The following CSMD2 variants were observed in gnomAD, a reference collection of about 807,000 sequenced individuals.
CSMD2 encodes CUB and sushi domain-containing protein 2.
A neutral mutation model predicts 398.5 loss-of-function variants in CSMD2; 130 were observed. The observed-to-expected ratio is 0.33, with a 90% confidence interval of 0.28 to 0.38. The LOEUF (loss-of-function observed/expected upper bound fraction) is 0.38. Ranked by LOEUF, CSMD2 falls within the 10% of genes least tolerant of loss-of-function variation. CSMD2 has a pLI of 1.00. For synonymous variants in CSMD2, 1,828 were observed against 1,908.5 expected, an observed-to-expected ratio of 0.96 and a Z score of 1.10; for missense variants, 3,829 against 4,764.9, an observed-to-expected ratio of 0.80 and a Z score of 5.78.
chr1:34,026,094 T>G (rs916228249), intron 3 of CSMD2, among the ~76,000 whole-genome samples: 10 of 152,254 alleles, frequency 6.6e-5, no homozygotes, highest in African/African-American at 2.4e-4. Flanking sequence ...GCACATCTTG[T>G]GACTTGTGCA....
At chr1:33,948,850 G>A (rs1025608442) in intron 3 of CSMD2, among the ~76,000 whole-genome samples, 7 of 152,294 alleles carry the variant, frequency 4.6e-5, no homozygotes, top group African/African-American at 1.7e-4. Flanking sequence ...TCAAGCATCT[G>A]CTGGCTCAGT....
At chr1:33,688,142 G>T (rs1486623385) in intron 25 of CSMD2, among the ~76,000 whole-genome samples, 2 of 152,128 alleles carry the variant, frequency 1.3e-5, no homozygotes, top group Non-Finnish European at 2.9e-5. Flanking sequence ...TAAGAATGTT[G>T]GAGTGAAAAG....
At chr1:33,560,241 C>T (rs1333625030) in intron 53 of CSMD2, among the ~76,000 whole-genome samples, 1 of 152,206 alleles carries the variant, frequency 6.6e-6, no homozygotes, top group African/African-American at 2.4e-5. Flanking sequence ...GTTCATGTAG[C>T]AGCCTCCATC....
intron 56 of CSMD2, among the ~76,000 whole-genome samples, chr1:33,549,723 G>A: frequency 6.6e-6 from 1 of 151,988 alleles, no homozygotes; most frequent in East Asian, 1.9e-4. Flanking sequence ...AAGGAGGCTG[G>A]GGCCTACGAG....
At chr1:34,005,077 G>A (rs1456477322) in intron 3 of CSMD2, among the ~76,000 whole-genome samples, 1 of 152,174 alleles carries the variant, frequency 6.6e-6, no homozygotes, top group Non-Finnish European at 1.5e-5. Context: ...GGAAACCCAT[G>A]AACAGAGTTC....
chr1:33,562,295 C>T (rs1384439827), intron 53 of CSMD2, among the ~76,000 whole-genome samples: 1 of 152,350 alleles, frequency 6.6e-6, no homozygotes, highest in South Asian at 2.1e-4. Flanking sequence ...GAAGAAGCTG[C>T]TGCGACCAGG....
At chr1:34,147,023 C>T (rs866797148) in intron 1 of CSMD2, among the ~76,000 whole-genome samples, 1 of 152,044 alleles carries the variant, frequency 6.6e-6, no homozygotes, top group Non-Finnish European at 1.5e-5. Context: ...TTTGGGAGGC[C>T]GAGGCGGGCG....
chr1:33,803,663 A>ATC (rs1354617385), intron 10 of CSMD2, among the ~76,000 whole-genome samples: 1 of 151,878 alleles, frequency 6.6e-6, no homozygotes, highest in Non-Finnish European at 1.5e-5. Context: ...TATCTCCTAA[A>ATC]TCTCTCTCAT....
chr1:33,870,081 A>G (rs548189998), intron 5 of CSMD2: 15 of 152,312 alleles, frequency 9.8e-5, no homozygotes, highest in Middle Eastern at 3.4e-3. Context: ...AGGGCAAAAA[A>G]TGTCCAATTC....
intron 25 of CSMD2, among the ~76,000 whole-genome samples, chr1:33,690,800 G>A (rs1430165504): frequency 1.3e-5 from 2 of 152,198 alleles, no homozygotes; most frequent in Non-Finnish European, 2.9e-5. Context: ...TGAGCCGGGG[G>A]CACTGTGCTA....
At chr1:33,729,818 G>A (rs1222863104) in intron 15 of CSMD2, among the ~76,000 whole-genome samples, 1 of 152,130 alleles carries the variant, frequency 6.6e-6, no homozygotes, top group East Asian at 1.9e-4. Context: ...TGACACATGA[G>A]GCCGTGAGAA....
chr1:33,567,926 G>A (rs1167321568), intron 52 of CSMD2, 85 bp from the exon 53 acceptor site: 4 of 1,473,544 alleles, frequency 2.7e-6, no homozygotes, highest in Non-Finnish European at 3.6e-6. Context: ...AGCAATCTAG[G>A]AGTGACTTCA....
At chr1:33,725,643 C>T in intron 16 of CSMD2, 107 bp from the exon 17 acceptor site, 2 of 982,512 alleles carry the variant, frequency 2.0e-6, no homozygotes, top group East Asian at 2.5e-5. Context: ...CAGATTTTGG[C>T]AGGCTGGGAT....
chr1:33,616,929 T>C lies in CSMD2; in HGVS notation c.5993A>G (p.Asn1998Ser). 6.2e-7 allele frequency: 1 copy of C among 1,614,144 alleles called. No homozygotes were observed. The highest frequency in any genetic ancestry group is 8.5e-7 in the Non-Finnish European group (1 of 1,179,992). ...ACCAATACAGAGTGGAGGAGGGTAG[T>C]TCCATCGCCGCACTGTTCCGGGCAT... ...SCMPGTVRRW[N>S]YPPPLCIAQC... Residue 1998 changes from asparagine to serine, a missense_variant, in exon 39 of 71, where the codon AAC becomes AGC. Physicochemically the swap from Asn to Ser is conservative, Grantham distance 46. Around this residue, in one of 5 missense-constraint regions of CSMD2, gnomAD observed 2,001 missense variants for 2,567.1 expected, o/e 0.78. Transcript: ENST00000373381.
rs1570895842 is a variant in CSMD2 at position 33,600,752 on chromosome 1, G to A, written c.6856+113C>T. 6.7e-6 allele frequency: 7 copies of A among 1,037,548 alleles called. No homozygotes were observed. In the East Asian group the frequency reaches 1.2e-4, roughly 18 times the overall value. The allele number at this position is 1,037,548 out of a possible 1,614,324, so 64.3% of individuals were successfully genotyped here. A position where few individuals can be genotyped will look rare whatever the true frequency, so the allele number is the denominator to read the frequency against. On this transcript the variant is annotated intron_variant, in intron 44 of 70. Coordinates refer to ENST00000373381, the MANE Select transcript of CSMD2 (RefSeq NM_001281956.2). ...CTCTGAAGACACTGAGGCTCCAAGA[G>A]GTTATACAACTCACTCAAGGTCACA...
intron 5 of CSMD2, among the ~76,000 whole-genome samples, chr1:33,875,245 A>C (rs1436442124): frequency 6.6e-6 from 1 of 152,224 alleles, no homozygotes; most frequent in Admixed American, 6.5e-5. Flanking sequence ...AGAATGCTTC[A>C]GTGCCCAGGG....
At chr1:33,674,219 C>T (rs979634256) in intron 25 of CSMD2, among the ~76,000 whole-genome samples, 2 of 152,108 alleles carry the variant, frequency 1.3e-5, no homozygotes, top group African/African-American at 4.8e-5. Context: ...ACCTATCTCA[C>T]GTGCAGAGAC....
chr1:34,115,792 C>T (rs190657288), intron 1 of CSMD2, among the ~76,000 whole-genome samples: 248 of 151,896 alleles, frequency 1.6e-3, no homozygotes, highest in Non-Finnish European at 2.9e-3. Context: ...AGGTGAAATT[C>T]GTGATATTGC....
At chr1:34,086,616 C>G (rs1420257721) in intron 2 of CSMD2, among the ~76,000 whole-genome samples, 3 of 152,184 alleles carry the variant, frequency 2.0e-5, no homozygotes, top group Non-Finnish European at 4.4e-5. Context: ...CAAATCCTGT[C>G]CACTCTGTGT....
Sources: gnomAD v4.1 joint callset for allele counts (sites outside exome capture counted in the v4.1 genomes callset) on GRCh38, gnomAD v4.1.1 for gene constraint, gnomAD v4.1.1 regional missense constraint, MANE v1.5 for transcripts, NCBI Gene and HGNC (gene_info 2026-07-23, HGNC 2026-07-21) for gene names.